Variants in E2F5 observed in about 807,000 individuals in gnomAD.
The protein encoded by E2F5 is transcription factor E2F5.
Under a neutral mutation model 39.1 loss-of-function variants are expected in E2F5, and 23 were observed. That is an observed-to-expected ratio of 0.59 (90% CI 0.42 to 0.83). The LOEUF is 0.83. Among genes scored for constraint, E2F5 ranks in the 40% least tolerant of loss-of-function variants. The pLI is 0.00. For synonymous variants in E2F5, 145 were observed against 157.8 expected, an observed-to-expected ratio of 0.92 and a Z score of 0.61; for missense variants, 365 against 406.7, an observed-to-expected ratio of 0.90 and a Z score of 0.88.
At chr8:85,184,636 TCTC>T (rs1010341231) in intron 1 of E2F5, among the ~76,000 whole-genome samples, 12 of 152,090 alleles carry the variant, frequency 7.9e-5, no homozygotes, top group Non-Finnish European at 1.3e-4. Flanking sequence ...TAGCCCCAAA[TCTC>T]CTTAAGCTGA....
chr8:85,202,081 A>G (rs1268609959), intron 1 of E2F5, 66 bp from the exon 2 acceptor site: 3 of 1,305,062 alleles, frequency 2.3e-6, no homozygotes, highest in Non-Finnish European at 3.3e-6. Context: ...TTAATAATCA[A>G]CCCTTTTTGG....
rs202019129 is a variant in E2F5 at position 85,177,356 on chromosome 8, TGGCC to T, written c.-63_-60del. 2,200 of 982,472 alleles carry T rather than the reference TGGCC, an allele frequency of 2.2e-3. 43 individuals carry two copies. The African/African-American group carries it at 0.036, about 16-fold the overall frequency. 60.9% of individuals were successfully genotyped at this position (982,472 alleles called of 1,614,324 possible). A position where few individuals can be genotyped will look rare whatever the true frequency, so the allele number is the denominator to read the frequency against. ...GCCGCAGCGGAGCCGACCCGGCAGG[TGGCC>T]GCGGGCGGGGCCGGCGAGCGAAAGT... is the stretch of plus-strand genomic sequence containing the variant. On this transcript the variant is annotated 5_prime_UTR_variant, in exon 1 of 8. Coordinates refer to ENST00000416274, the MANE Select transcript of E2F5 (RefSeq NM_001951.4).
At chr8:85,190,497 CTT>C (rs34804570) in intron 1 of E2F5, among the ~76,000 whole-genome samples, 1 of 70,302 alleles carries the variant, frequency 1.4e-5, no homozygotes, top group Non-Finnish European at 2.5e-5. Context: ...GAGATTTTTC[CTT>C]TTTTTTTTTT....
At chr8:85,180,875 G>C (rs1358604480) in intron 1 of E2F5, among the ~76,000 whole-genome samples, 1 of 151,232 alleles carries the variant, frequency 6.6e-6, no homozygotes, top group Non-Finnish European at 1.5e-5. Flanking sequence ...CACCGCGCCC[G>C]GCCGGTCTTG....
At chr8:85,197,323 C>A (rs1215738523) in intron 1 of E2F5, among the ~76,000 whole-genome samples, 4 of 152,174 alleles carry the variant, frequency 2.6e-5, no homozygotes, top group Non-Finnish European at 5.9e-5. Context: ...AGCCAATGAG[C>A]CTTAGCTAAT....
In E2F5 at chr8:85,209,141, G is replaced by T; in HGVS notation, c.616-1G>T. The T allele has an allele frequency of 6.2e-7, 1 of 1,613,028 alleles. No individual in the cohort carries two copies. The highest frequency in any genetic ancestry group is 8.5e-7 in the Non-Finnish European group (1 of 1,179,192). On this transcript the variant is annotated splice_acceptor_variant, in intron 5 of 7. Transcript: ENST00000416274. LOFTEE classifies it high-confidence loss of function. ...TTTGTTTATACCCAATAACTTCAAA[G>T]GGTCAGAATGGACAAAAGAAATACC...
chr8:85,195,796 G>C (rs1445373406), intron 1 of E2F5, among the ~76,000 whole-genome samples: 1 of 152,140 alleles, frequency 6.6e-6, no homozygotes, highest in East Asian at 1.9e-4. Flanking sequence ...CATCGGCCAA[G>C]AGAATTTTCA....
intron 4 of E2F5, 150 bp downstream of exon 4, chr8:85,206,370 C>A: frequency 1.4e-6 from 1 of 715,490 alleles, no homozygotes; most frequent in Admixed American, 3.0e-5. Flanking sequence ...TGATAGACTG[C>A]TTTTGTTTCT....
chr8:85,179,908 C>T (rs760007339), intron 1 of E2F5, among the ~76,000 whole-genome samples: 3 of 152,352 alleles, frequency 2.0e-5, no homozygotes, highest in Middle Eastern at 3.4e-3. Context: ...GATCCACGCG[C>T]CTCGGCCTCC....
intron 1 of E2F5, among the ~76,000 whole-genome samples, chr8:85,180,543 T>TATATATATATATAC (rs1812186561): frequency 1.7e-5 from 2 of 116,886 alleles, no homozygotes; most frequent in Non-Finnish European, 3.6e-5. Context: ...TATATATATA[T>TATATATATATATAC]ATATATATAT....
At chr8:85,177,797 G>A (rs1372499232) in intron 1 of E2F5, 143 bp downstream of exon 1, 5 of 1,145,066 alleles carry the variant, frequency 4.4e-6, no homozygotes, top group South Asian at 4.4e-5. Context: ...GGACCATGTG[G>A]CCTGCGCCCG....
rs778247000 is a variant in E2F5, at chr8:85,213,794, TACA to T, written c.976_978del (p.Asn326del). ...GCTTTCTCCTACCCCGGCAGATGAC[TACA>T]ACTTTAATTTAGATGATAACGAAGG... On this transcript the variant is annotated inframe_deletion, in exon 8 of 8. Coordinates refer to ENST00000416274, the MANE Select transcript of E2F5 (RefSeq NM_001951.4). 2.5e-6 allele frequency: 4 copies of T among 1,613,320 alleles called. No homozygotes were observed. Among genetic ancestry groups the T allele is most frequent in the South Asian group, 1.1e-5 (1 of 91,030 alleles).
At chr8:85,179,187 G>A (rs1587477731) in intron 1 of E2F5, among the ~76,000 whole-genome samples, 1 of 152,310 alleles carries the variant, frequency 6.6e-6, no homozygotes, top group East Asian at 1.9e-4. Context: ...AGCACAGGTG[G>A]CAAACTGCTG....
In E2F5 at chr8:85,209,027, T is replaced by C. The variant is rs910152312; in HGVS notation, c.616-115T>C. On this transcript the variant is annotated intron_variant, in intron 5 of 7. Coordinates refer to ENST00000416274, the MANE Select transcript of E2F5 (RefSeq NM_001951.4). Reference sequence around the variant, plus strand: ...TTTGTGTTTTGACTTAATGACTTTATTGTGTTATGTGAATTTAGTAAGTCC... The same window carrying C: ...TTTGTGTTTTGACTTAATGACTTTACTGTGTTATGTGAATTTAGTAAGTCC... The C allele has an allele frequency of 8.5e-6, 9 of 1,053,978 alleles. No homozygotes were observed. In the African/African-American group the frequency reaches 1.4e-4, roughly 17 times the overall value. 65.3% of individuals were successfully genotyped at this position (1,053,978 alleles called of 1,614,324 possible).
intron 2 of E2F5, 140 bp from the exon 3 acceptor site, chr8:85,202,954 G>T (rs1172921531): frequency 1.7e-6 from 1 of 584,918 alleles, no homozygotes; most frequent in Non-Finnish European, 2.5e-6. Flanking sequence ...AATTTTTAAG[G>T]ATTTTAGTGC....
At position 85,204,239 on chromosome 8, in the gene E2F5, C is replaced by G. The variant is rs186720809; in HGVS notation, c.506+984C>G. ...TGCTTTACGAGATGCTGGCCATTCC[C>G]ATTGCCCCAACCATGGTTATGTGTG... On this transcript the variant is annotated intron_variant, in intron 3 of 7. Transcript: ENST00000416274. 1.3e-3 allele frequency among the ~76,000 whole-genome samples: 203 copies of G among 152,122 alleles called. 1 individual carries two copies. Among genetic ancestry groups the G allele is most frequent in the Middle Eastern group, 3.4e-3 (1 of 294 alleles).
At chr8:85,191,010 G>C (rs1471714735) in intron 1 of E2F5, among the ~76,000 whole-genome samples, 1 of 152,110 alleles carries the variant, frequency 6.6e-6, no homozygotes, top group African/African-American at 2.4e-5. Context: ...CTTCCTTAGA[G>C]CATCTAGAAG....
Position 85,214,472 on chromosome 8 carries a change from T to G in E2F5, c.*610T>G, listed in dbSNP as rs1813047659. The G allele has an allele frequency of 2.2e-6, 2 of 908,328 alleles. No homozygotes were observed. Among genetic ancestry groups the G allele is most frequent in the Non-Finnish European group, 1.8e-6 (1 of 557,704 alleles). 56.3% of individuals were successfully genotyped at this position (908,328 alleles called of 1,614,324 possible). On this transcript the variant is annotated 3_prime_UTR_variant, in exon 8 of 8. Transcript: ENST00000416274. ...TTTGTTTTTAAAATGTGCCAATGCC[T>G]GTACATTAACAAGATTTTTAAAAAT...
chr8:85,200,365 A>T, intron 1 of E2F5: 1 of 776,334 alleles, frequency 1.3e-6, no homozygotes, highest in Non-Finnish European at 1.5e-6. Context: ...AAAGTATTTG[A>T]GAAATAATGT....
Sources: gnomAD v4.1 joint callset for allele counts (sites outside exome capture counted in the v4.1 genomes callset) on GRCh38, gnomAD v4.1.1 for gene constraint, MANE v1.5 for transcripts, NCBI Gene and HGNC (gene_info 2026-07-23, HGNC 2026-07-21) for gene names.